Variants in AKAP7 observed in about 807,000 individuals in gnomAD.
AKAP7 encodes A kinase (PRKA) anchor protein 7.
Under a neutral mutation model 39.5 loss-of-function variants are expected in AKAP7, and 39 were observed. The ratio of observed to expected loss-of-function variants is 0.99; its 90% CI spans 0.76 to 1.29. The LOEUF (loss-of-function observed/expected upper bound fraction) is 1.29. Ranked by LOEUF, AKAP7 falls within the 50% of genes most tolerant of loss-of-function variation. The pLI is 0.00. For missense variants in AKAP7, 414 were observed against 407.7 expected (o/e 1.02, Z -0.13); for synonymous variants, 140 against 139.1 (o/e 1.01, Z -0.05).
chr6:131,265,228 G>A (rs1361195203), intron 7 of AKAP7, among the ~76,000 whole-genome samples: 4 of 152,098 alleles, frequency 2.6e-5, no homozygotes, highest in Admixed American at 6.6e-5. Flanking sequence ...TCTGCCTCCC[G>A]GGTTCAAGCG....
intron 5 of AKAP7, among the ~76,000 whole-genome samples, chr6:131,195,818 T>C (rs1806866285): frequency 6.6e-6 from 1 of 152,212 alleles, no homozygotes; most frequent in Admixed American, 6.5e-5. Flanking sequence ...GCCAGACATA[T>C]TGGAGCTCCA....
At chr6:131,226,736 T>TG (rs1810198240) in intron 7 of AKAP7, among the ~76,000 whole-genome samples, 1 of 152,154 alleles carries the variant, frequency 6.6e-6, no homozygotes, top group Non-Finnish European at 1.5e-5. Flanking sequence ...CAGGAGGCAG[T>TG]GGGGAATTTG....
In AKAP7 at chr6:131,135,560, G is replaced by T; in HGVS notation, c.-204G>T. 4.3e-6 allele frequency: 1 copy of T among 233,940 alleles called. No individual in the cohort carries two copies. Among genetic ancestry groups the T allele is most frequent in the South Asian group, 1.4e-4 (1 of 6,918 alleles). The allele number at this position is 233,940 out of a possible 1,614,324, so 14.5% of individuals were successfully genotyped here. ...GCCGCTGCCGCGGGGGCTGCGGCTT[G>T]GGAAGCTCCGCGCTTCCGCAGGCCT... On this transcript the variant is annotated 5_prime_UTR_variant, in exon 1 of 8. Coordinates refer to ENST00000431975, the MANE Select transcript of AKAP7 (RefSeq NM_016377.4).
intron 5 of AKAP7, among the ~76,000 whole-genome samples, chr6:131,179,607 C>A (rs1234409128): frequency 6.6e-6 from 1 of 152,124 alleles, no homozygotes; most frequent in Admixed American, 6.5e-5. Flanking sequence ...CGTTAAGGCT[C>A]ACATAATCCC....
At chr6:131,279,114 A>G (rs1041480368) in intron 7 of AKAP7, among the ~76,000 whole-genome samples, 4 of 152,204 alleles carry the variant, frequency 2.6e-5, no homozygotes, top group Admixed American at 6.5e-5. Context: ...TGAAGACGGG[A>G]GAAATCATGA....
intron 5 of AKAP7, among the ~76,000 whole-genome samples, chr6:131,170,203 C>A (rs569174463): frequency 6.7e-6 from 1 of 149,100 alleles, no homozygotes; most frequent in African/African-American, 2.5e-5. Flanking sequence ...TGCTAGATGA[C>A]GAGTTAGTGG....
At chr6:131,243,188 G>A (rs1161352344) in intron 7 of AKAP7, among the ~76,000 whole-genome samples, 1 of 152,090 alleles carries the variant, frequency 6.6e-6, no homozygotes, top group Non-Finnish European at 1.5e-5. Flanking sequence ...ATAGCTTATA[G>A]GATTATAGGA....
At chr6:131,194,783 A>G (rs1237568939) in intron 5 of AKAP7, among the ~76,000 whole-genome samples, 1 of 152,162 alleles carries the variant, frequency 6.6e-6, no homozygotes, top group Non-Finnish European at 1.5e-5. Flanking sequence ...AAATCATTAT[A>G]CAATGACCTT....
intron 7 of AKAP7, chr6:131,242,196 A>T: frequency 1.0e-6 from 1 of 984,408 alleles, no homozygotes; most frequent in South Asian, 4.7e-5. Flanking sequence ...TGAGTATTTT[A>T]TCTTGATTCT....
intron 2 of AKAP7, among the ~76,000 whole-genome samples, chr6:131,148,970 C>A (rs1183839925): frequency 1.3e-5 from 2 of 152,178 alleles, no homozygotes; most frequent in African/African-American, 4.8e-5. Flanking sequence ...TGCGAGTTAA[C>A]TGCCAAGAAA....
rs562427809 is a variant in AKAP7 at position 131,137,354 on chromosome 6, T to C, written c.19+1572T>C. On this transcript the variant is annotated intron_variant, in intron 1 of 7. Transcript: ENST00000431975. ...AGGAAACCTGCATTTTGTGTGACAG[T>C]GGGAGAACTCTCCATACCCTTTTCT... 2.0e-5 allele frequency: 3 copies of C among 152,064 alleles called. No homozygotes were observed. In the East Asian group the frequency reaches 5.8e-4, roughly 29 times the overall value. 9.4% of individuals were successfully genotyped at this position (152,064 alleles called of 1,614,324 possible).
At chr6:131,132,698 G>T (rs1468060252), upstream of AKAP7, among the ~76,000 whole-genome samples, 1 of 151,918 alleles carries the variant, frequency 6.6e-6, no homozygotes, top group Non-Finnish European at 1.5e-5. Context: ...TATTTTACTT[G>T]TACCTCTATC....
intron 5 of AKAP7, among the ~76,000 whole-genome samples, chr6:131,177,876 G>A (rs181629935): frequency 2.0e-5 from 3 of 152,194 alleles, no homozygotes; most frequent in Admixed American, 6.5e-5. Flanking sequence ...GCTGAAACTC[G>A]GCTCTTACCT....
chr6:131,126,614 C>G, the AKAP7 span, among the ~76,000 whole-genome samples: 1 of 152,100 alleles, frequency 6.6e-6, no homozygotes. Context: ...TGGATGGAGA[C>G]TATAAAATCC....
chr6:131,176,918 A>G (rs1273892204), intron 5 of AKAP7, among the ~76,000 whole-genome samples: 3 of 152,180 alleles, frequency 2.0e-5, no homozygotes, highest in Non-Finnish European at 4.4e-5. Context: ...CACTTCACTT[A>G]GAAGACCAGC....
At chr6:131,274,279 G>A (rs1023601043) in intron 7 of AKAP7, among the ~76,000 whole-genome samples, 1 of 151,906 alleles carries the variant, frequency 6.6e-6, no homozygotes, top group East Asian at 1.9e-4. Flanking sequence ...TGAGTTTCTC[G>A]ATTTGAGGAT....
intron 5 of AKAP7, among the ~76,000 whole-genome samples, chr6:131,176,909 A>T (rs1479868095): frequency 1.3e-5 from 2 of 152,174 alleles, no homozygotes; most frequent in Non-Finnish European, 2.9e-5. Flanking sequence ...ACTTAGCCAC[A>T]CTTCACTTAG....
chr6:131,155,206 G>T (rs887920157), intron 2 of AKAP7, among the ~76,000 whole-genome samples: 7 of 152,100 alleles, frequency 4.6e-5, no homozygotes, highest in Non-Finnish European at 1.0e-4. Flanking sequence ...TAGAGATGGG[G>T]TCTTGCTGTG....
chr6:131,216,665 T>C (rs1809209358), intron 6 of AKAP7, among the ~76,000 whole-genome samples: 1 of 152,250 alleles, frequency 6.6e-6, no homozygotes, highest in Non-Finnish European at 1.5e-5. Context: ...AACTTTTTTC[T>C]GTTTGACGTT....
Sources: allele counts gnomAD v4.1 joint callset (sites outside exome capture counted in the v4.1 genomes callset), GRCh38; gene constraint gnomAD v4.1.1; transcripts MANE v1.5; gene names NCBI Gene and HGNC (gene_info 2026-07-23, HGNC 2026-07-21).